Variants in RASGRP3 observed in about 807,000 individuals in gnomAD.
RASGRP3 encodes the protein RAS guanyl releasing protein 3.
RASGRP3 carries 54 observed loss-of-function variants against 82.7 expected under a neutral mutation model. That is an observed-to-expected ratio of 0.65 (90% CI 0.52 to 0.82). The LOEUF (loss-of-function observed/expected upper bound fraction) is 0.82, where lower values mean the gene tolerates loss of function less well. Among genes scored for constraint, RASGRP3 ranks in the 40% least tolerant of loss-of-function variants. The pLI is 0.00. For synonymous variants in RASGRP3, 309 were observed against 300.5 expected (o/e 1.03, Z -0.29); for missense variants, 861 against 828.9 (o/e 1.04, Z -0.48).
At chr2:33,452,738 T>C (rs1417594176) in intron 2 of RASGRP3, among the ~76,000 whole-genome samples, 1 of 152,206 alleles carries the variant, frequency 6.6e-6, no homozygotes, top group Non-Finnish European at 1.5e-5. Flanking sequence ...GGCCTAGAGG[T>C]TGAGCTGCTG....
At chr2:33,501,512 T>C (rs1419075566) in intron 1 of RASGRP3, among the ~76,000 whole-genome samples, 3 of 152,184 alleles carry the variant, frequency 2.0e-5, no homozygotes, top group African/African-American at 7.2e-5. Context: ...ACATTTCCAC[T>C]AGCGATGGAT....
intron 1 of RASGRP3, chr2:33,492,976 C>G (rs1397687845): frequency 2.0e-5 from 3 of 152,194 alleles, no homozygotes; most frequent in Non-Finnish European, 2.9e-5. Flanking sequence ...CTTCATGAGT[C>G]TGCAGTGACA....
chr2:33,512,757 A>G (rs904811237), intron 2 of RASGRP3, among the ~76,000 whole-genome samples: 3 of 152,222 alleles, frequency 2.0e-5, no homozygotes, highest in Non-Finnish European at 4.4e-5. Context: ...CCACTCGTTT[A>G]TTAATTTAGT....
At chr2:33,528,825 T>A (rs1672823684) in intron 10 of RASGRP3, among the ~76,000 whole-genome samples, 1 of 152,192 alleles carries the variant, frequency 6.6e-6, no homozygotes, top group African/African-American at 2.4e-5. Context: ...ATAGTAAATA[T>A]ACAGACTTTC....
At chr2:33,449,791 T>C (rs1665691631) in intron 2 of RASGRP3, among the ~76,000 whole-genome samples, 1 of 152,026 alleles carries the variant, frequency 6.6e-6, no homozygotes, top group Non-Finnish European at 1.5e-5. Flanking sequence ...ACAGTGAAAA[T>C]ATTTATGATA....
Position 33,540,125 on chromosome 2 carries a change from G to C in RASGRP3, c.1278+915G>C, listed in dbSNP as rs1184310304. The C allele has an allele frequency of 2.6e-5, 4 of 152,496 alleles. 1 individual carries two copies. In the East Asian group the frequency reaches 7.7e-4, roughly 29 times the overall value. 9.4% of individuals were successfully genotyped at this position (152,496 alleles called of 1,614,324 possible). A position where few individuals can be genotyped will look rare whatever the true frequency, so the allele number is the denominator to read the frequency against. On this transcript the variant is annotated intron_variant, in intron 12 of 17. Coordinates refer to ENST00000403687, the MANE Select transcript of RASGRP3 (RefSeq NM_001139488.2). The stretch of plus-strand genomic sequence containing the variant: ...AATGGATTGGTAGGTACATCTGCTG[G>C]TGCAACAGAATTGAGTCTTTGGGAT...
At chr2:33,439,526 A>G (rs1286087087) in intron 1 of RASGRP3, among the ~76,000 whole-genome samples, 3 of 152,328 alleles carry the variant, frequency 2.0e-5, no homozygotes, top group African/African-American at 7.2e-5. Flanking sequence ...TAAACAACAA[A>G]CACTTTTTTA....
At chr2:33,488,752 C>T (rs560348644) in intron 1 of RASGRP3, among the ~76,000 whole-genome samples, 4 of 152,296 alleles carry the variant, frequency 2.6e-5, no homozygotes, top group African/African-American at 9.6e-5. Context: ...CAAATTCTGA[C>T]ATGTTAAATC....
chr2:33,546,922 C>A (rs1674819567), intron 13 of RASGRP3, among the ~76,000 whole-genome samples: 1 of 151,768 alleles, frequency 6.6e-6, no homozygotes, highest in Non-Finnish European at 1.5e-5. Flanking sequence ...CAAAAATTAG[C>A]CGGGCGTGGT....
chr2:33,466,880 C>T (rs1325051612), intron 2 of RASGRP3, among the ~76,000 whole-genome samples: 15 of 152,050 alleles, frequency 9.9e-5, no homozygotes, highest in Admixed American at 9.8e-4. Flanking sequence ...GAGGTAAATG[C>T]TCAGGGTTTG....
rs551178304 is a variant in RASGRP3 at position 33,492,608 on chromosome 2, G to A, written c.-261+15901G>A. Among the ~76,000 whole-genome samples the A allele has an allele frequency of 4.6e-5, 7 of 152,274 alleles. No homozygotes were observed. In the South Asian group the frequency reaches 1.0e-3, roughly 23 times the overall value. ...GGCTGGTGTCCTTATAAGAGGAAGG[G>A]ACACCAGGCTTCTCTTTCTGTGCCA... On this transcript the variant is annotated intron_variant, in intron 1 of 17. Coordinates refer to ENST00000403687, the MANE Select transcript of RASGRP3 (RefSeq NM_001139488.2).
At chr2:33,486,338 A>G (rs1275379098) in intron 1 of RASGRP3, among the ~76,000 whole-genome samples, 9 of 151,614 alleles carry the variant, frequency 5.9e-5, no homozygotes, top group African/African-American at 2.4e-5. Flanking sequence ...TAATTTTTGT[A>G]TTTTGTTTTA....
intron 1 of RASGRP3, among the ~76,000 whole-genome samples, chr2:33,505,480 T>G (rs1670280799): frequency 6.6e-6 from 1 of 152,034 alleles, no homozygotes; most frequent in Non-Finnish European, 1.5e-5. Flanking sequence ...TTTTGTATTT[T>G]TAGTAGAGAC....
chr2:33,530,355 T>C (rs890753082), intron 10 of RASGRP3, among the ~76,000 whole-genome samples: 3 of 152,226 alleles, frequency 2.0e-5, no homozygotes, highest in Non-Finnish European at 2.9e-5. Context: ...TGGTAGGCTG[T>C]AGGGCAGTGC....
intron 13 of RASGRP3, among the ~76,000 whole-genome samples, chr2:33,547,053 G>GA (rs767124838): frequency 0.31 from 38,329 of 122,620 alleles, 7,028 homozygotes; most frequent in Middle Eastern, 0.48. Context: ...CTGTCTCAGG[G>GA]AAAAAAAAAA....
chr2:33,520,816 G>T, intron 6 of RASGRP3, 132 bp downstream of exon 6: 4 of 1,244,834 alleles, frequency 3.2e-6, no homozygotes, highest in Non-Finnish European at 4.5e-6. Flanking sequence ...AAGCCTTGCT[G>T]CAGTGAGCGC....
intron 1 of RASGRP3, among the ~76,000 whole-genome samples, chr2:33,488,945 G>T (rs1668622215): frequency 6.6e-6 from 1 of 151,088 alleles, no homozygotes; most frequent in Non-Finnish European, 1.5e-5. Flanking sequence ...GATTTTAGGG[G>T]TTTGACCGAT....
At chr2:33,557,223 G>T (rs913733196) in intron 15 of RASGRP3, among the ~76,000 whole-genome samples, 1 of 152,128 alleles carries the variant, frequency 6.6e-6, no homozygotes, top group Non-Finnish European at 1.5e-5. Flanking sequence ...TCTACCCCAA[G>T]TAGTAATTAA....
rs535106041 is a variant in RASGRP3 at position 33,463,243 on chromosome 2, CTAGAAATCTAGGCTAGTTTA to C, written c.-261+15306_-261+15325del. On this transcript the variant is annotated intron_variant, in intron 2 of 18. Transcript: ENST00000402538. ...CAGGTTTTACTGAATCCAGCTTCAG[CTAGAAATCTAGGCTAGTTTA>C]TAGAAGATGATTAGATGGACAGAGA... is the stretch of plus-strand genomic sequence containing the variant. Among the ~76,000 whole-genome samples the C allele has an allele frequency of 5.3e-5, 8 of 152,186 alleles. 1 individual carries two copies. Among genetic ancestry groups the C allele is most frequent in the Admixed American group, 5.2e-4 (8 of 15,292 alleles).
Sources: gnomAD v4.1 joint callset for allele counts (sites outside exome capture counted in the v4.1 genomes callset) on GRCh38, gnomAD v4.1.1 for gene constraint, MANE v1.5 for transcripts, NCBI Gene and HGNC (gene_info 2026-07-23, HGNC 2026-07-21) for gene names.